DLC1: variants seen among roughly 807,000 people sequenced by gnomAD.
DLC1 encodes the protein rho GTPase-activating protein 7.
A neutral mutation model predicts 140.3 loss-of-function variants in DLC1; 54 were observed. The ratio of observed to expected loss-of-function variants is 0.38; its 90% CI spans 0.31 to 0.48. The LOEUF is 0.48. Among genes scored for constraint, DLC1 ranks in the 20% least tolerant of loss-of-function variants. The probability of loss-of-function intolerance (pLI) is 0.96; values close to 1 mark genes in which losing one functional copy is unlikely to be tolerated. For synonymous variants in DLC1, 986 were observed against 728.1 expected (o/e 1.35, Z -5.70); for missense variants, 2,536 against 1,907.0 (o/e 1.33, Z -6.14).
intron 5 of DLC1, among the ~76,000 whole-genome samples, chr8:13,250,529 C>G (rs949561041): frequency 2.0e-4 from 30 of 152,272 alleles, no homozygotes; most frequent in African/African-American, 7.2e-4. Flanking sequence ...CACATCATCC[C>G]AAACTAGCTT....
intron 5 of DLC1, among the ~76,000 whole-genome samples, chr8:13,135,178 C>G (rs868587495): frequency 4.0e-5 from 6 of 150,618 alleles, no homozygotes; most frequent in Admixed American, 6.6e-5. Flanking sequence ...AAGGAAAGTC[C>G]TTAGGAGTGA....
At chr8:13,424,782 C>A (rs987423061) in intron 2 of DLC1, among the ~76,000 whole-genome samples, 1 of 151,968 alleles carries the variant, frequency 6.6e-6, no homozygotes, top group Non-Finnish European at 1.5e-5. Flanking sequence ...ACCATGTTAG[C>A]CAGGATGGTC....
rs553269692 is a variant in DLC1, at chr8:13,083,432, A to G, written c.*2379T>C. 2.0e-5 allele frequency: 3 copies of G among 152,286 alleles called. No individual in the cohort carries two copies. In the East Asian group the frequency reaches 5.8e-4, roughly 29 times the overall value. The allele number at this position is 152,286 out of a possible 1,614,324, so 9.4% of individuals were successfully genotyped here. A position where few individuals can be genotyped will look rare whatever the true frequency, so the allele number is the denominator to read the frequency against. ...ATACTGAAAGCCGCTGCAGGGGATTATAAAGATGTGTAAGAGACAAGCCCT... is the reference window on the plus strand; with the variant it reads ...ATACTGAAAGCCGCTGCAGGGGATTGTAAAGATGTGTAAGAGACAAGCCCT... On this transcript the variant is annotated 3_prime_UTR_variant, in exon 18 of 18. Coordinates refer to ENST00000276297, the MANE Select transcript of DLC1 (RefSeq NM_182643.3).
At chr8:13,413,255 GATTTTTTTTTTT>G (rs1837874517) in intron 2 of DLC1, among the ~76,000 whole-genome samples, 1 of 30,140 alleles carries the variant, frequency 3.3e-5, no homozygotes, top group South Asian at 1.6e-3. Flanking sequence ...ATTTTTTTGC[GATTTTTTTTTTT>G]TTTTTTTTTT....
intron 5 of DLC1, among the ~76,000 whole-genome samples, chr8:13,264,189 C>T (rs1212874867): frequency 6.6e-6 from 1 of 152,010 alleles, no homozygotes; most frequent in South Asian, 2.1e-4. Flanking sequence ...CTACCTCAGC[C>T]TCCCGAGTAG....
intron 1 of DLC1, among the ~76,000 whole-genome samples, chr8:13,506,581 G>GTGTATATA (rs1246764417): frequency 5.3e-5 from 7 of 131,144 alleles, no homozygotes; most frequent in African/African-American, 2.2e-4. Flanking sequence ...GTGTGTGTGT[G>GTGTATATA]TATATATATA....
intron 4 of DLC1, among the ~76,000 whole-genome samples, chr8:13,312,856 G>C (rs1486598695): frequency 6.6e-6 from 1 of 152,080 alleles, no homozygotes; most frequent in Non-Finnish European, 1.5e-5. Context: ...CACAATTAAG[G>C]AGTAATGTAG....
At chr8:13,593,762 G>A (rs1048192921) in intron 1 of DLC1, among the ~76,000 whole-genome samples, 1 of 152,102 alleles carries the variant, frequency 6.6e-6, no homozygotes, top group African/African-American at 2.4e-5. Flanking sequence ...GTTATACTCA[G>A]AAGTGAAACA....
At chr8:13,127,095 C>T (rs1821646177) in intron 5 of DLC1, among the ~76,000 whole-genome samples, 1 of 152,094 alleles carries the variant, frequency 6.6e-6, no homozygotes, top group South Asian at 2.1e-4. Context: ...CAGTTTTGTG[C>T]CAAAAAGTGT....
intron 5 of DLC1, among the ~76,000 whole-genome samples, chr8:13,208,849 A>G (rs985544653): frequency 3.3e-5 from 5 of 152,108 alleles, no homozygotes; most frequent in Non-Finnish European, 5.9e-5. Context: ...ATGATGTGGG[A>G]AAAATAAAAA....
At chr8:13,554,420 G>A (rs13266011) in intron 1 of DLC1, among the ~76,000 whole-genome samples, 1 of 151,998 alleles carries the variant, frequency 6.6e-6, no homozygotes, top group Non-Finnish European at 1.5e-5. Context: ...TCCCCTTGGT[G>A]TCAGACTTAT....
rs151021131 is a variant in DLC1, at chr8:13,215,278, C to A, written c.1348+89991G>T. The stretch of plus-strand genomic sequence containing the variant: ...TCTGCCTAGGTACCAGGCTGAAAGA[C>A]TCTGAATTTAAATATTAAATGTGAA... On this transcript the variant is annotated intron_variant, in intron 5 of 17. Transcript: ENST00000276297. Among the ~76,000 whole-genome samples the A allele has an allele frequency of 2.2e-4, 33 of 152,142 alleles. No homozygotes were observed. The South Asian group carries it at 5.2e-3, about 24-fold the overall frequency.
rs572566765 is a variant in DLC1 at position 13,545,269 on chromosome 8, T to C, written c.-125-45073A>G. 4.1e-4 allele frequency among the ~76,000 whole-genome samples: 62 copies of C among 151,156 alleles called. 1 individual carries two copies. Among genetic ancestry groups the C allele is most frequent in the Admixed American group, 3.4e-3 (52 of 15,116 alleles). On this transcript the variant is annotated intron_variant, in intron 1 of 1. Coordinates refer to the DLC1 transcript ENST00000631382. ...AGCATAATATTTTATGGAAAGGTAA[T>C]AGGGAGAGGTCTATAATGTAAAGAT...
chr8:13,455,660 T>G (rs1799351124), intron 2 of DLC1, among the ~76,000 whole-genome samples: 1 of 152,218 alleles, frequency 6.6e-6, no homozygotes. Context: ...TTAGTTTTTC[T>G]CTTTTCAACA....
intron 1 of DLC1, among the ~76,000 whole-genome samples, chr8:13,529,745 T>C (rs1228753503): frequency 1.3e-5 from 2 of 152,208 alleles, no homozygotes; most frequent in African/African-American, 4.8e-5. Context: ...GACTACTATG[T>C]TCTAGAAATC....
intron 2 of DLC1, among the ~76,000 whole-genome samples, chr8:13,405,434 G>A (rs1203799350): frequency 1.3e-5 from 2 of 152,158 alleles, no homozygotes; most frequent in African/African-American, 4.8e-5. Flanking sequence ...TATGTCATTT[G>A]GACACTTCAC....
rs567487516 is a variant in DLC1 at position 13,405,667 on chromosome 8, C to A, written c.1024-4048G>T. 1.7e-3 allele frequency among the ~76,000 whole-genome samples: 255 copies of A among 152,226 alleles called. No individual in the cohort carries two copies. The Middle Eastern group carries it at 0.017, about 10-fold the overall frequency. On this transcript the variant is annotated intron_variant, in intron 2 of 17. Transcript: ENST00000276297. Reference sequence around the variant, plus strand: ...TATGCCCACTTGGGTATCATGAATTCTCTCCTCAACTTCTGCATCCTGGTT... The same window carrying A: ...TATGCCCACTTGGGTATCATGAATTATCTCCTCAACTTCTGCATCCTGGTT...
At chr8:13,383,503 C>G (rs1300892246) in intron 4 of DLC1, among the ~76,000 whole-genome samples, 2 of 152,094 alleles carry the variant, frequency 1.3e-5, no homozygotes, top group African/African-American at 4.8e-5. Context: ...CTTTTGGGGG[C>G]CATTTGGAGC....
chr8:13,196,987 C>A (rs1485522201), intron 5 of DLC1, among the ~76,000 whole-genome samples: 3 of 152,176 alleles, frequency 2.0e-5, no homozygotes, highest in Admixed American at 6.5e-5. Context: ...TATGTTTATG[C>A]AAGACAAAGT....
Sources: allele counts gnomAD v4.1 joint callset (sites outside exome capture counted in the v4.1 genomes callset), GRCh38; gene constraint gnomAD v4.1.1; transcripts MANE v1.5; gene names NCBI Gene and HGNC (gene_info 2026-07-23, HGNC 2026-07-21).